Variants in ASPH observed in about 807,000 individuals in gnomAD.
ASPH encodes the protein aspartyl/asparaginyl beta-hydroxylase.
In ASPH, 100 loss-of-function variants were observed where a neutral mutation model predicts 118.4. That is an observed-to-expected ratio of 0.84 (90% confidence interval 0.72 to 1.00). The LOEUF (loss-of-function observed/expected upper bound fraction) is 1.00. Ranked by LOEUF, ASPH falls within the 50% of genes least tolerant of loss-of-function variation. ASPH has a pLI of 0.00. For missense variants in ASPH, 920 were observed against 919.5 expected, an observed-to-expected ratio of 1.00 and a Z score of -0.01; for synonymous variants, 315 against 325.6, an observed-to-expected ratio of 0.97 and a Z score of 0.35.
Position 61,567,205 on chromosome 8 carries a change from C to T in ASPH, c.1263G>A (p.Leu421=), listed in dbSNP as rs138163443. ...LPDVPADLLK[L]SLKRRSDRQQ... is the part of the protein sequence containing the mutation. ...GCCTGTCTGAGCGACGCTTCAAACT[C>T]AGCTTCAGCAGGTCTGCAGGGACAT... The change falls in exon 17 of 25, where the codon CTG becomes CTA. Residue 421 remains leucine, a synonymous_variant. Coordinates refer to ENST00000379454, the MANE Select transcript of ASPH (RefSeq NM_004318.4). 87 of 1,614,046 alleles carry T rather than the reference C, an allele frequency of 5.4e-5. No individual in the cohort carries two copies. The East Asian group carries it at 1.8e-3, about 33-fold the overall frequency.
intron 1 of ASPH, 38 bp downstream of exon 1, chr8:61,714,231 G>A: frequency 2.1e-6 from 3 of 1,442,520 alleles, no homozygotes; most frequent in Non-Finnish European, 2.7e-6. Context: ...CCTACCCCGA[G>A]GCGAGGCCCC....
intron 12 of ASPH, 80 bp downstream of exon 12, chr8:61,637,867 G>A (rs1400235147): frequency 2.9e-6 from 4 of 1,371,230 alleles, no homozygotes; most frequent in Admixed American, 2.0e-5. Context: ...ACAGCAAGTA[G>A]GAAATGTTCG....
At chr8:61,534,106 C>T (rs1015945176) in intron 21 of ASPH, among the ~76,000 whole-genome samples, 1 of 152,128 alleles carries the variant, frequency 6.6e-6, no homozygotes, top group African/African-American at 2.4e-5. Flanking sequence ...CACCACCATG[C>T]CCAGCTAATT....
intron 14 of ASPH, among the ~76,000 whole-genome samples, chr8:61,601,134 C>A (rs1431489531): frequency 1.3e-5 from 2 of 151,038 alleles, no homozygotes; most frequent in African/African-American, 2.5e-5. Context: ...TAGAAAAATC[C>A]ACAATTCCAT....
intron 14 of ASPH, among the ~76,000 whole-genome samples, chr8:61,584,732 C>A (rs1204617820): frequency 6.7e-6 from 1 of 149,438 alleles, no homozygotes; most frequent in African/African-American, 2.5e-5. Flanking sequence ...TGGTCTTGAA[C>A]TCCTGGCCTC....
chr8:61,589,204 T>C (rs1048512412), intron 14 of ASPH, among the ~76,000 whole-genome samples: 8 of 152,210 alleles, frequency 5.3e-5, no homozygotes, highest in African/African-American at 1.7e-4. Context: ...ATATGCATCA[T>C]AGAATACACA....
chr8:61,625,299 T>C (rs769046675), intron 13 of ASPH: 3 of 985,860 alleles, frequency 3.0e-6, no homozygotes, highest in African/African-American at 1.7e-5. Flanking sequence ...CATCGGGCTC[T>C]GTGAGCTTTT....
At chr8:61,712,856 T>C (rs1043214988) in intron 1 of ASPH, among the ~76,000 whole-genome samples, 5 of 152,232 alleles carry the variant, frequency 3.3e-5, no homozygotes, top group Non-Finnish European at 7.3e-5. Flanking sequence ...CATGCTTCTC[T>C]GGCAAATAGC....
chr8:61,562,389 C>CTCTGTGTGGGTG (rs71257370), intron 18 of ASPH, among the ~76,000 whole-genome samples: 1 of 128,994 alleles, frequency 7.8e-6, no homozygotes, highest in South Asian at 2.6e-4. Flanking sequence ...GAAAGTGTGT[C>CTCTGTGTGGGTG]TGTGTGTGTG....
intron 1 of ASPH, among the ~76,000 whole-genome samples, chr8:61,694,587 C>T (rs983211434): frequency 6.6e-6 from 1 of 152,218 alleles, no homozygotes; most frequent in African/African-American, 2.4e-5. Context: ...CTTCCCTCGA[C>T]TCTCATGACT....
chr8:61,619,895 C>CA (rs1850319499), intron 13 of ASPH, among the ~76,000 whole-genome samples: 1 of 152,140 alleles, frequency 6.6e-6, no homozygotes, highest in Middle Eastern at 3.2e-3. Flanking sequence ...GGGAACAAGG[C>CA]AGAGTCTGGG....
chr8:61,674,529 A>G (rs1452036161), intron 3 of ASPH, among the ~76,000 whole-genome samples: 1 of 152,198 alleles, frequency 6.6e-6, no homozygotes, highest in Non-Finnish European at 1.5e-5. Context: ...TTAAGAGATT[A>G]TTGTCCAGTG....
chr8:61,626,334 A>C, intron 13 of ASPH: 1 of 1,427,758 alleles, frequency 7.0e-7, no homozygotes, highest in Non-Finnish European at 9.2e-7. Flanking sequence ...ACAGACTGTG[A>C]AACTGCTTCA....
chr8:61,689,798 C>T (rs987367238), intron 1 of ASPH: 14 of 1,490,050 alleles, frequency 9.4e-6, no homozygotes, highest in Non-Finnish European at 1.1e-5. Flanking sequence ...ACTTGCCTAC[C>T]AGAGCTTGAG....
intron 1 of ASPH, among the ~76,000 whole-genome samples, chr8:61,700,099 T>C (rs977677149): frequency 1.3e-5 from 2 of 152,206 alleles, no homozygotes; most frequent in Non-Finnish European, 2.9e-5. Flanking sequence ...GGATGAAGTA[T>C]TCTGCCAGGA....
intron 1 of ASPH, among the ~76,000 whole-genome samples, chr8:61,700,992 T>C (rs1468574354): frequency 9.9e-5 from 15 of 152,186 alleles, no homozygotes; most frequent in Non-Finnish European, 1.5e-5. Context: ...AACAAGTGTA[T>C]ACAACATGTA....
At chr8:61,676,624 C>G (rs986915789) in intron 3 of ASPH, among the ~76,000 whole-genome samples, 5 of 151,682 alleles carry the variant, frequency 3.3e-5, no homozygotes, top group African/African-American at 7.3e-5. Context: ...AATCAATGGA[C>G]AGTAATGGAA....
At chr8:61,578,664 C>T (rs1161291148) in intron 15 of ASPH, 76 of 1,598,630 alleles carry the variant, frequency 4.8e-5, no homozygotes, top group East Asian at 6.7e-5. Flanking sequence ...CAACCTTAGG[C>T]GGCAGCTGGA....
chr8:61,558,007 T>C (rs973887640), intron 18 of ASPH, among the ~76,000 whole-genome samples: 22 of 152,260 alleles, frequency 1.4e-4, no homozygotes, highest in Non-Finnish European at 1.3e-4. Flanking sequence ...TTTATTGATT[T>C]ACTAGACATC....
Sources: allele counts gnomAD v4.1 joint callset (sites outside exome capture counted in the v4.1 genomes callset), GRCh38; gene constraint gnomAD v4.1.1; transcripts MANE v1.5; gene names NCBI Gene and HGNC (gene_info 2026-07-23, HGNC 2026-07-21).